EXOC4: variants seen among roughly 807,000 people sequenced by gnomAD.
The protein encoded by EXOC4 is SEC8-like 1.
In EXOC4, 71 loss-of-function variants were observed where a neutral mutation model predicts 107.2. That is an observed-to-expected ratio of 0.66 (90% CI 0.55 to 0.81). The LOEUF (loss-of-function observed/expected upper bound fraction) is 0.81, where lower values mean the gene tolerates loss of function less well. Ranked by LOEUF, EXOC4 falls within the 30% of genes least tolerant of loss-of-function variation. The pLI is 0.00. For synonymous variants in EXOC4, 456 were observed against 441.2 expected (o/e 1.03, Z -0.42); for missense variants, 1,108 against 1,189.6 (o/e 0.93, Z 1.01).
At chr7:134,066,484 G>A (rs1288156525), downstream of EXOC4, 2 of 152,146 alleles carry the variant, frequency 1.3e-5, no homozygotes, top group African/African-American at 2.4e-5. Context: ...TTACAATGAC[G>A]GGACTGAAAA....
intron 9 of EXOC4, chr7:133,551,472 C>T (rs1042853479): frequency 6.6e-6 from 1 of 151,928 alleles, no homozygotes; most frequent in East Asian, 1.9e-4. Context: ...TTCAAAATTG[C>T]TCTCTTTTTT....
chr7:133,752,162 T>TAAAC (rs934115123), intron 10 of EXOC4, among the ~76,000 whole-genome samples: 11 of 152,238 alleles, frequency 7.2e-5, no homozygotes, highest in African/African-American at 2.6e-4. Flanking sequence ...CCCTTTCTCT[T>TAAAC]AAACAAACAA....
intron 10 of EXOC4, among the ~76,000 whole-genome samples, chr7:133,689,051 A>G (rs1358483243): frequency 6.6e-6 from 1 of 152,212 alleles, no homozygotes; most frequent in Non-Finnish European, 1.5e-5. Flanking sequence ...AAGAAACACA[A>G]TCTGGAAACT....
At chr7:133,679,286 T>C (rs575506114) in intron 10 of EXOC4, among the ~76,000 whole-genome samples, 4 of 152,366 alleles carry the variant, frequency 2.6e-5, no homozygotes, top group Non-Finnish European at 4.4e-5. Context: ...GGCCTTTTTT[T>C]CCCTTTCGCT....
intron 9 of EXOC4, among the ~76,000 whole-genome samples, chr7:133,562,040 T>G (rs1043570580): frequency 6.6e-6 from 1 of 152,258 alleles, no homozygotes; most frequent in Non-Finnish European, 1.5e-5. Flanking sequence ...ACCAGAAATA[T>G]GCCATAACAA....
intron 11 of EXOC4, among the ~76,000 whole-genome samples, chr7:133,879,382 C>A (rs940507342): frequency 2.6e-5 from 4 of 152,150 alleles, no homozygotes; most frequent in Non-Finnish European, 5.9e-5. Flanking sequence ...GTATGAGCCA[C>A]CACATCCTGC....
At chr7:133,606,391 C>A (rs557469870) in intron 9 of EXOC4, among the ~76,000 whole-genome samples, 30 of 152,170 alleles carry the variant, frequency 2.0e-4, no homozygotes, top group Admixed American at 3.3e-4. Flanking sequence ...ATTGCAAATC[C>A]CTTATATCCT....
intron 9 of EXOC4, among the ~76,000 whole-genome samples, chr7:133,545,912 T>TG (rs1800471117): frequency 6.6e-6 from 1 of 152,178 alleles, no homozygotes; most frequent in Non-Finnish European, 1.5e-5. Flanking sequence ...ATTTATATTT[T>TG]GGGGTTTCCA....
chr7:133,653,509 G>C (rs1803212744), intron 10 of EXOC4, among the ~76,000 whole-genome samples: 2 of 152,192 alleles, frequency 1.3e-5, no homozygotes, highest in Admixed American at 1.3e-4. Flanking sequence ...TTATCTCTCA[G>C]AAATTTCAAT....
intron 7 of EXOC4, among the ~76,000 whole-genome samples, chr7:133,400,800 G>A (rs1028452835): frequency 6.6e-6 from 1 of 152,154 alleles, no homozygotes; most frequent in Non-Finnish European, 1.5e-5. Context: ...TAATAAACGA[G>A]GTAATGAGGG....
At chr7:133,785,956 A>G (rs540578962) in intron 10 of EXOC4, among the ~76,000 whole-genome samples, 2 of 152,324 alleles carry the variant, frequency 1.3e-5, no homozygotes, top group African/African-American at 2.4e-5. Context: ...GGCGTGAGCC[A>G]CTGTGTCTGG....
chr7:133,963,117 T>C (rs1363221190), intron 14 of EXOC4, among the ~76,000 whole-genome samples: 2 of 152,268 alleles, frequency 1.3e-5, no homozygotes, highest in African/African-American at 2.4e-5. Flanking sequence ...CTGCCTTCCC[T>C]GTCCCCGCAC....
chr7:133,522,215 T>C (rs1426387117), intron 9 of EXOC4, among the ~76,000 whole-genome samples: 1 of 152,156 alleles, frequency 6.6e-6, no homozygotes. Context: ...CTGAGTGTTG[T>C]GCCTTAATGT....
At chr7:133,291,318 T>C (rs1794399409) in intron 3 of EXOC4, among the ~76,000 whole-genome samples, 1 of 152,118 alleles carries the variant, frequency 6.6e-6, no homozygotes, top group Non-Finnish European at 1.5e-5. Flanking sequence ...GTGTCTTTGT[T>C]ATAAAGAAAT....
At chr7:133,949,131 C>A (rs184866328) in intron 14 of EXOC4, among the ~76,000 whole-genome samples, 1 of 152,152 alleles carries the variant, frequency 6.6e-6, no homozygotes, top group South Asian at 2.1e-4. Flanking sequence ...CCTCTTACCC[C>A]CAAAGGACCT....
intron 13 of EXOC4, among the ~76,000 whole-genome samples, chr7:133,936,064 A>G (rs1294821753): frequency 6.6e-6 from 1 of 152,132 alleles, no homozygotes; most frequent in Non-Finnish European, 1.5e-5. Context: ...TTGCCACTCA[A>G]GGAAAACACT....
At chr7:133,793,140 A>G (rs1177163814) in intron 10 of EXOC4, among the ~76,000 whole-genome samples, 1 of 152,204 alleles carries the variant, frequency 6.6e-6, no homozygotes, top group Non-Finnish European at 1.5e-5. Context: ...TTTAGTAAAA[A>G]TGAAGCCTCA....
intron 10 of EXOC4, among the ~76,000 whole-genome samples, chr7:133,737,241 TTATTGACTG>T (rs1795463156): frequency 6.6e-6 from 1 of 152,186 alleles, no homozygotes; most frequent in Non-Finnish European, 1.5e-5. Flanking sequence ...CTATGGCTCC[TTATTGACTG>T]TAATTGAATC....
At chr7:133,940,324 A>G (rs1563065024) in intron 14 of EXOC4, among the ~76,000 whole-genome samples, 1 of 152,182 alleles carries the variant, frequency 6.6e-6, no homozygotes, top group Admixed American at 6.5e-5. Context: ...ATGTCACTGA[A>G]AGTACCCAGT....
Sources: allele counts gnomAD v4.1 joint callset (sites outside exome capture counted in the v4.1 genomes callset), GRCh38; gene constraint gnomAD v4.1.1; transcripts MANE v1.5; gene names NCBI Gene and HGNC (gene_info 2026-07-23, HGNC 2026-07-21).